Variants in MNAT1 observed in about 807,000 individuals in gnomAD.
MNAT1 encodes the protein MNAT1 component of CDK activating kinase.
MNAT1 carries 43 observed loss-of-function variants against 42.0 expected under a neutral mutation model. The ratio of observed to expected loss-of-function variants is 1.02; its 90% CI spans 0.80 to 1.32. MNAT1 has a LOEUF of 1.32. Among genes scored for constraint, MNAT1 ranks in the 40% most tolerant of loss-of-function variants. The pLI, the probability that MNAT1 is intolerant of heterozygous loss-of-function variation, is 0.00. For synonymous variants in MNAT1, 118 were observed against 120.0 expected (o/e 0.98, Z 0.11); for missense variants, 306 against 350.4 (o/e 0.87, Z 1.01).
At chr14:60,751,026 CTTAG>C (rs1289754721) in intron 1 of MNAT1, among the ~76,000 whole-genome samples, 2 of 151,608 alleles carry the variant, frequency 1.3e-5, no homozygotes, top group East Asian at 1.9e-4. Flanking sequence ...AGTTGACATA[CTTAG>C]TTAATTTAAA....
chr14:60,752,525 G>T (rs1347667738), intron 1 of MNAT1, among the ~76,000 whole-genome samples: 1 of 152,022 alleles, frequency 6.6e-6, no homozygotes, highest in Non-Finnish European at 1.5e-5. Context: ...CTTCTTATTT[G>T]TATGTGTGTG....
At chr14:60,931,586 GT>G (rs2035883839) in intron 7 of MNAT1, among the ~76,000 whole-genome samples, 1 of 152,126 alleles carries the variant, frequency 6.6e-6, no homozygotes, top group Non-Finnish European at 1.5e-5. Flanking sequence ...AACTTGAAAT[GT>G]TTTTTATTCA....
intron 1 of MNAT1, among the ~76,000 whole-genome samples, chr14:60,777,634 C>T (rs1052543138): frequency 2.6e-5 from 4 of 151,518 alleles, no homozygotes; most frequent in African/African-American, 4.9e-5. Flanking sequence ...TTGCTTAGTC[C>T]CCCCATTCTC....
chr14:60,739,965 C>A (rs1896417444), intron 1 of MNAT1, among the ~76,000 whole-genome samples: 1 of 152,154 alleles, frequency 6.6e-6, no homozygotes, highest in African/African-American at 2.4e-5. Flanking sequence ...ACCATCCTGG[C>A]CAACATAGTG....
intron 1 of MNAT1, among the ~76,000 whole-genome samples, chr14:60,737,477 C>G (rs1243182637): frequency 1.3e-5 from 2 of 152,072 alleles, no homozygotes; most frequent in South Asian, 2.1e-4. Context: ...ATGTTTTCCT[C>G]TTTTAACAAT....
At chr14:60,749,406 T>C (rs558131924) in intron 1 of MNAT1, among the ~76,000 whole-genome samples, 23 of 152,330 alleles carry the variant, frequency 1.5e-4, no homozygotes, top group Admixed American at 4.6e-4. Flanking sequence ...TTCTCATTGC[T>C]TTTTTTCTGC....
intron 7 of MNAT1, among the ~76,000 whole-genome samples, chr14:60,934,613 C>T (rs992838128): frequency 3.3e-5 from 5 of 152,188 alleles, no homozygotes; most frequent in East Asian, 1.9e-4. Flanking sequence ...ACATGTCTTT[C>T]ACCTCCTACC....
At chr14:60,764,741 C>G (rs147112842) in intron 1 of MNAT1, among the ~76,000 whole-genome samples, 4 of 152,026 alleles carry the variant, frequency 2.6e-5, no homozygotes, top group Admixed American at 6.6e-5. Context: ...AATGTGTATA[C>G]GTAAATAAAT....
chr14:60,865,104 C>T (rs999469389), intron 6 of MNAT1, among the ~76,000 whole-genome samples: 3 of 151,998 alleles, frequency 2.0e-5, no homozygotes, highest in African/African-American at 4.8e-5. Flanking sequence ...GTACTAGGCA[C>T]AGAAGAGTCA....
chr14:60,939,974 T>C (rs2036105369), intron 7 of MNAT1, among the ~76,000 whole-genome samples: 1 of 152,232 alleles, frequency 6.6e-6, no homozygotes, highest in Non-Finnish European at 1.5e-5. Context: ...TTGATCCCTT[T>C]ACCATTATGT....
At chr14:60,879,657 A>T in intron 6 of MNAT1, 57 bp from the exon 7 acceptor site, 1 of 1,479,812 alleles carries the variant, frequency 6.8e-7, no homozygotes, top group Non-Finnish European at 9.3e-7. Flanking sequence ...GATTATAAAT[A>T]AGTAGCAATA....
intron 1 of MNAT1, among the ~76,000 whole-genome samples, chr14:60,761,261 A>G (rs1039926641): frequency 3.9e-5 from 6 of 152,196 alleles, no homozygotes; most frequent in Non-Finnish European, 7.4e-5. Flanking sequence ...GATTCTAGGA[A>G]TAGTCAAGTT....
chr14:60,861,631 T>C (rs1467532552), intron 6 of MNAT1, among the ~76,000 whole-genome samples: 3 of 152,144 alleles, frequency 2.0e-5, no homozygotes, highest in Non-Finnish European at 4.4e-5. Context: ...AATGAAAAAA[T>C]TAGAAGAATT....
At chr14:60,801,219 T>C (rs1054244717) in intron 3 of MNAT1, among the ~76,000 whole-genome samples, 1 of 148,890 alleles carries the variant, frequency 6.7e-6, no homozygotes, top group Non-Finnish European at 1.5e-5. Flanking sequence ...ATGTTGAGCA[T>C]GTTGGAGAAT....
chr14:60,943,115 C>T (rs1347504449), intron 7 of MNAT1, among the ~76,000 whole-genome samples: 3 of 126,818 alleles, frequency 2.4e-5, no homozygotes, highest in South Asian at 5.0e-4. Flanking sequence ...AGTGCAGTGC[C>T]GCAATTTTGG....
intron 1 of MNAT1, among the ~76,000 whole-genome samples, chr14:60,757,216 G>GGT (rs1349805441): frequency 6.6e-6 from 1 of 152,066 alleles, no homozygotes; most frequent in Non-Finnish European, 1.5e-5. Context: ...TGGAGGGATT[G>GGT]GTGTTTGAGA....
intron 1 of MNAT1, among the ~76,000 whole-genome samples, chr14:60,758,978 T>C (rs539674514): frequency 6.6e-6 from 1 of 152,338 alleles, no homozygotes; most frequent in African/African-American, 2.4e-5. Flanking sequence ...TCTGGCTTTA[T>C]GTAATCCCTG....
At chr14:60,869,708 G>C (rs2034286895) in intron 6 of MNAT1, among the ~76,000 whole-genome samples, 1 of 152,028 alleles carries the variant, frequency 6.6e-6, no homozygotes, top group African/African-American at 2.4e-5. Flanking sequence ...ACCATATACT[G>C]ATTGGTATAG....
intron 1 of MNAT1, among the ~76,000 whole-genome samples, chr14:60,788,961 G>A (rs910706767): frequency 1.3e-5 from 2 of 152,056 alleles, no homozygotes; most frequent in Non-Finnish European, 1.5e-5. Context: ...AATTTCCTTC[G>A]AGGACTTTTC....
Sources: allele counts gnomAD v4.1 joint callset (sites outside exome capture counted in the v4.1 genomes callset), GRCh38; gene constraint gnomAD v4.1.1; transcripts MANE v1.5; gene names NCBI Gene and HGNC (gene_info 2026-07-23, HGNC 2026-07-21).